Variants in ZCCHC10 observed in about 807,000 individuals in gnomAD.
ZCCHC10 encodes the protein zinc finger CCHC-type containing 10.
A neutral mutation model predicts 19.5 loss-of-function variants in ZCCHC10; 16 were observed. The observed-to-expected ratio is 0.82, with a 90% CI of 0.56 to 1.25. The LOEUF (loss-of-function observed/expected upper bound fraction) is 1.25, where lower values mean the gene tolerates loss of function less well. Among genes scored for constraint, ZCCHC10 ranks in the 50% most tolerant of loss-of-function variants. The pLI is 0.00. For missense variants in ZCCHC10, 197 were observed against 201.0 expected (o/e 0.98, Z 0.12); for synonymous variants, 67 against 72.5 (o/e 0.92, Z 0.38).
At position 133,006,822 on chromosome 5, in the gene ZCCHC10, G is replaced by A. The variant is rs1763150933; in HGVS notation, c.206C>T (p.Ser69Leu). 6.2e-7 allele frequency: 1 copy of A among 1,611,616 alleles called. No homozygotes were observed. Among genetic ancestry groups the A allele is most frequent in the Admixed American group, 1.7e-5 (1 of 59,844 alleles). ...AGCTTTCTTTAGTTCTGCTGTCCTT[G>A]AGGGCCTATGTAGGTATTTTCTTTT... is the stretch of plus-strand genomic sequence containing the variant. Reference protein sequence around the residue: ...TGKRKYLHRPSRTAELKKALK... With the variant: ...TGKRKYLHRPLRTAELKKALK... The change falls in exon 3 of 5, where the codon TCA (serine) becomes TTA (leucine). Residue 69 changes from serine to leucine, a missense_variant. Physicochemically the swap from Ser to Leu is moderately radical, Grantham distance 145 (BLOSUM62 -2). Coordinates refer to ENST00000509437, the MANE Select transcript of ZCCHC10 (RefSeq NM_001300816.3).
chr5:133,010,198 A>C (rs1340360348), intron 2 of ZCCHC10, among the ~76,000 whole-genome samples: 1 of 151,804 alleles, frequency 6.6e-6, no homozygotes. Flanking sequence ...ACAGGCACAC[A>C]CCACCACGCA....
intron 1 of ZCCHC10, among the ~76,000 whole-genome samples, chr5:133,025,786 G>A (rs545727323): frequency 3.9e-5 from 6 of 152,144 alleles, no homozygotes; most frequent in African/African-American, 1.2e-4. Context: ...AACCTAAAGT[G>A]GGCCTTTCCC....
intron 4 of ZCCHC10, 104 bp downstream of exon 4, chr5:133,000,027 CA>C (rs1762660105): frequency 2.3e-6 from 3 of 1,305,796 alleles, no homozygotes; most frequent in African/African-American, 2.9e-5. Flanking sequence ...GGATTATAGG[CA>C]TGAGCCACTG....
chr5:133,009,944 G>A (rs1229033207), intron 2 of ZCCHC10, among the ~76,000 whole-genome samples: 4 of 151,960 alleles, frequency 2.6e-5, no homozygotes, highest in South Asian at 4.1e-4. Context: ...ATTTCTTATC[G>A]ATAAAGTGTT....
intron 2 of ZCCHC10, among the ~76,000 whole-genome samples, chr5:133,007,188 G>A (rs1581390090): frequency 6.6e-6 from 1 of 152,106 alleles, no homozygotes; most frequent in Admixed American, 6.6e-5. Context: ...ATAGGGGCAA[G>A]TCTTTCCTGT....
intron 2 of ZCCHC10, among the ~76,000 whole-genome samples, chr5:133,011,648 A>T (rs888426512): frequency 6.8e-6 from 1 of 146,732 alleles, no homozygotes. Context: ...AAAAAAAAAA[A>T]CCTGACTGAG....
chr5:133,017,463 G>C (rs1413360967), intron 2 of ZCCHC10, among the ~76,000 whole-genome samples: 5 of 151,790 alleles, frequency 3.3e-5, no homozygotes, highest in African/African-American at 1.2e-4. Context: ...TGAATCTCCT[G>C]AGCTCAAGCC....
intron 2 of ZCCHC10, among the ~76,000 whole-genome samples, chr5:133,008,216 C>G (rs1763257296): frequency 8.4e-6 from 1 of 118,372 alleles, no homozygotes; most frequent in Admixed American, 9.3e-5. Flanking sequence ...CAGAGTGAGA[C>G]TCTGTCTCAA....
chr5:133,014,091 A>C (rs1210485935), intron 2 of ZCCHC10, among the ~76,000 whole-genome samples: 1 of 151,764 alleles, frequency 6.6e-6, no homozygotes, highest in Non-Finnish European at 1.5e-5. Context: ...TGTAAACTAG[A>C]ACTTTCTCCT....
intron 1 of ZCCHC10, among the ~76,000 whole-genome samples, chr5:133,024,901 TA>T (rs969584004): frequency 1.0e-4 from 15 of 146,336 alleles, no homozygotes; most frequent in Admixed American, 2.1e-4. Flanking sequence ...AGACTCCGTC[TA>T]AAAAAAAAAC....
intron 2 of ZCCHC10, among the ~76,000 whole-genome samples, chr5:133,016,051 G>C (rs1181316018): frequency 6.6e-6 from 1 of 152,154 alleles, no homozygotes; most frequent in Admixed American, 6.6e-5. Flanking sequence ...TGGATTATGT[G>C]TTCTTTTGAC....
intron 2 of ZCCHC10, among the ~76,000 whole-genome samples, chr5:133,020,622 T>TA (rs144162284): frequency 1.6e-3 from 204 of 124,726 alleles, no homozygotes; most frequent in Middle Eastern, 4.0e-3. Flanking sequence ...AGCCTGTCTT[T>TA]AAAAAAAAAA....
At chr5:133,007,676 T>C (rs1042094971) in intron 2 of ZCCHC10, among the ~76,000 whole-genome samples, 1 of 152,266 alleles carries the variant, frequency 6.6e-6, no homozygotes, top group Non-Finnish European at 1.5e-5. Context: ...TCCCCAGACA[T>C]GCTGAACTGT....
chr5:133,016,445 C>G (rs912263622), intron 2 of ZCCHC10, among the ~76,000 whole-genome samples: 1 of 149,256 alleles, frequency 6.7e-6, no homozygotes, highest in Non-Finnish European at 1.5e-5. Flanking sequence ...TTATTTTTCT[C>G]TTTTTTTTTT....
At position 133,022,523 on chromosome 5, in the gene ZCCHC10, G is replaced by A. The variant is rs943858225; in HGVS notation, c.107+318C>T. On this transcript the variant is annotated intron_variant, in intron 2 of 4. Coordinates refer to ENST00000509437, the MANE Select transcript of ZCCHC10 (RefSeq NM_001300816.3). Reference sequence around the variant, plus strand: ...GGCTGGACTGCAGTGGCGAGATCTCGGCTCACTGCAACCTCCGTCTCCCGG... The same window carrying A: ...GGCTGGACTGCAGTGGCGAGATCTCAGCTCACTGCAACCTCCGTCTCCCGG... Among the ~76,000 whole-genome samples, 5 of 151,268 alleles carry A rather than the reference G, an allele frequency of 3.3e-5. 1 individual carries two copies. Among genetic ancestry groups the A allele is most frequent in the Admixed American group, 6.6e-5 (1 of 15,144 alleles).
intron 3 of ZCCHC10, 136 bp downstream of exon 3, chr5:133,006,623 C>T: frequency 2.4e-6 from 2 of 824,792 alleles, no homozygotes; most frequent in Non-Finnish European, 3.5e-6. Flanking sequence ...TAGTACTTGG[C>T]ACACAGTAAG....
chr5:133,020,621 T>G (rs1292878986), intron 2 of ZCCHC10, among the ~76,000 whole-genome samples: 2 of 125,872 alleles, frequency 1.6e-5, no homozygotes, highest in Admixed American at 7.5e-5. Flanking sequence ...AAGCCTGTCT[T>G]TAAAAAAAAA....
At position 133,014,223 on chromosome 5, in the gene ZCCHC10, G is replaced by A. The variant is rs187304147; in HGVS notation, c.108-7303C>T. ...TGCCCAGGCTGGAGTGCAATGGCGCGATTTCAGCTCGCTACAACCTCCGCC... is the reference window on the plus strand; with the variant it reads ...TGCCCAGGCTGGAGTGCAATGGCGCAATTTCAGCTCGCTACAACCTCCGCC... On this transcript the variant is annotated intron_variant, in intron 2 of 4. Coordinates refer to ENST00000509437, the MANE Select transcript of ZCCHC10 (RefSeq NM_001300816.3). Among the ~76,000 whole-genome samples, 83 of 143,924 alleles carry A rather than the reference G, an allele frequency of 5.8e-4. 2 individuals carry two copies. Among genetic ancestry groups the A allele is most frequent in the Admixed American group, 7.2e-5 (1 of 13,968 alleles). The allele number at this position is 143,924 out of a possible 152,430, so 94.4% of individuals were successfully genotyped here. A position where few individuals can be genotyped will look rare whatever the true frequency, so the allele number is the denominator to read the frequency against.
chr5:133,003,145 AAGAAGC>A (rs1762880863), intron 3 of ZCCHC10: 1 of 328,758 alleles, frequency 3.0e-6, no homozygotes, highest in Non-Finnish European at 6.0e-6. Context: ...GGGTCAGGCC[AAGAAGC>A]ATGCGAAGTT....
Sources: gnomAD v4.1 joint callset for allele counts (sites outside exome capture counted in the v4.1 genomes callset) on GRCh38, gnomAD v4.1.1 for gene constraint, MANE v1.5 for transcripts, NCBI Gene and HGNC (gene_info 2026-07-23, HGNC 2026-07-21) for gene names.